The following GBX1 variants were observed in gnomAD, a reference collection of about 807,000 sequenced individuals.
GBX1 encodes the protein gastrulation brain homeobox 1.
A neutral mutation model predicts 22.9 loss-of-function variants in GBX1; 9 were observed. That is an observed-to-expected ratio of 0.39 (90% CI 0.24 to 0.69). GBX1 has a LOEUF of 0.69. Ranked by LOEUF, GBX1 falls within the 30% of genes least tolerant of loss-of-function variation. The pLI, the probability that GBX1 is intolerant of heterozygous loss-of-function variation, is 0.43. For synonymous variants in GBX1, 203 were observed against 227.3 expected, an observed-to-expected ratio of 0.89 and a Z score of 0.96; for missense variants, 494 against 509.2, an observed-to-expected ratio of 0.97 and a Z score of 0.29.
In GBX1 at chr7:151,167,632, C is replaced by G; in HGVS notation, c.-84G>C. ...GCGGCTCGGGCGCCCCGCGCGGACACGCAGGGCTCGCTCCCTGGCTCCCGG... is the reference window on the plus strand; with the variant it reads ...GCGGCTCGGGCGCCCCGCGCGGACAGGCAGGGCTCGCTCCCTGGCTCCCGG... On this transcript the variant is annotated 5_prime_UTR_variant, in exon 1 of 2. Coordinates refer to ENST00000297537, the MANE Select transcript of GBX1 (RefSeq NM_001098834.3). This position sits in a 1 kb window ranked among gnomAD's most constrained non-coding sequence, Gnocchi z 5.9. The G allele has an allele frequency of 8.4e-7, 1 of 1,184,946 alleles. No individual in the cohort carries two copies. The highest frequency in any genetic ancestry group is 1.0e-6 in the Non-Finnish European group (1 of 960,612). 73.4% of individuals were successfully genotyped at this position (1,184,946 alleles called of 1,614,324 possible).
At chr7:151,149,234 G>T in intron 1 of GBX1, 92 bp from the exon 2 acceptor site, 1 of 1,260,722 alleles carries the variant, frequency 7.9e-7, no homozygotes, top group Non-Finnish European at 1.1e-6. Flanking sequence ...AGAAATGGGG[G>T]GTTGGGAGAC....
intron 1 of GBX1, among the ~76,000 whole-genome samples, chr7:151,163,252 A>G (rs1200085132): frequency 6.6e-6 from 1 of 151,800 alleles, no homozygotes; most frequent in Non-Finnish European, 1.5e-5. Flanking sequence ...AGCTCACACA[A>G]ACCGTCAGAC....
rs747616162 is a variant in GBX1, at chr7:151,167,168, G to T, written c.381C>A (p.Ala127=). 1 of 1,581,994 alleles carries T rather than the reference G, an allele frequency of 6.3e-7. No individual in the cohort carries two copies. The highest frequency in any genetic ancestry group is 8.6e-7 in the Non-Finnish European group (1 of 1,166,398). The part of the protein sequence containing the change: ...GPQELAAAAA[A]AAATAARNNP... ...TGTTTCGGGCGGCAGTGGCGGCGGCGGCGGCAGCGGCGGCGGCGAGCTCCT... is the reference window on the plus strand; with the variant it reads ...TGTTTCGGGCGGCAGTGGCGGCGGCTGCGGCAGCGGCGGCGGCGAGCTCCT... Residue 127 remains alanine (A), a synonymous_variant, in exon 1 of 2, where the codon GCC becomes GCA. Transcript: ENST00000297537. This position sits in a 1 kb window ranked among gnomAD's most constrained non-coding sequence, Gnocchi z 5.9.
At position 151,148,996 on chromosome 7, in the gene GBX1, G is replaced by A. The variant is rs200119934; in HGVS notation, c.685C>T (p.Leu229Phe). 1.9e-6 allele frequency: 3 copies of A among 1,613,748 alleles called. No individual in the cohort carries two copies. The highest frequency in any genetic ancestry group is 3.3e-5 in the Admixed American group (2 of 59,980). Residue 229 changes from leucine to phenylalanine, a missense_variant, in exon 2 of 2, where the codon CTT (leucine) becomes TTT (phenylalanine). This residue lies in a region of GBX1 where 365 missense variants were observed against 340.4 expected (regional missense o/e 1.07). Coordinates refer to ENST00000297537, the MANE Select transcript of GBX1 (RefSeq NM_001098834.3). This position sits in a 1 kb window ranked among gnomAD's most constrained non-coding sequence, Gnocchi z 5.1. Reference sequence around the variant, plus strand: ...TTTAGCTTCGGTTTAGGTCCCAGAAGAGCCCCTGGGCCCCCTGCAGAACTG... The same window carrying A: ...TTTAGCTTCGGTTTAGGTCCCAGAAAAGCCCCTGGGCCCCCTGCAGAACTG... ...LDSSAGGPGA[L>F]LGPKPKLKGS...
At chr7:151,158,865 A>G (rs73476799) in intron 1 of GBX1, among the ~76,000 whole-genome samples, 8,796 of 152,266 alleles carry the variant, frequency 0.058, 510 homozygotes, top group African/African-American at 0.15. Flanking sequence ...AGGATGCTGC[A>G]CAAATATCTG....
At position 151,167,287 on chromosome 7, in the gene GBX1, A is replaced by G; in HGVS notation, c.262T>C (p.Cys88Arg). Residue 88 changes from cysteine (C) to arginine (R), a missense_variant, in exon 1 of 2, where the codon TGC becomes CGC. This residue lies in a region of GBX1 where 365 missense variants were observed against 340.4 expected (regional missense o/e 1.07). Transcript: ENST00000297537. This position sits in a 1 kb window ranked among gnomAD's most constrained non-coding sequence, Gnocchi z 5.9. ...GGCACAGCCTGACCCAGCCCCGCGC[A>G]GAAGGTGTTGGTAAGGCGGCCGGCG... is the stretch of plus-strand genomic sequence containing the variant. ...SFAGRLTNTF[C>R]AGLGQAVPSM... 2.0e-6 allele frequency: 3 copies of G among 1,534,854 alleles called. No individual in the cohort carries two copies. Among genetic ancestry groups the G allele is most frequent in the Non-Finnish European group, 2.6e-6 (3 of 1,143,868 alleles).
At chr7:151,165,471 T>G (rs1281322527) in intron 1 of GBX1, among the ~76,000 whole-genome samples, 1 of 152,228 alleles carries the variant, frequency 6.6e-6, no homozygotes, top group Non-Finnish European at 1.5e-5. Context: ...TTTGATGGCC[T>G]GTCTTACTCT....
At chr7:151,155,958 T>C (rs932425656) in intron 1 of GBX1, among the ~76,000 whole-genome samples, 3 of 152,166 alleles carry the variant, frequency 2.0e-5, no homozygotes, top group Non-Finnish European at 2.9e-5. Context: ...ATGTCAAGTC[T>C]CCTAAAGCTG....
chr7:151,167,419 T>A lies in GBX1; in HGVS notation c.130A>T (p.Thr44Ser). 1.3e-6 allele frequency: 2 copies of A among 1,518,304 alleles called. No individual in the cohort carries two copies. Among genetic ancestry groups the A allele is most frequent in the South Asian group, 2.5e-5 (2 of 80,986 alleles). The allele number at this position is 1,518,304 out of a possible 1,614,324, so 94.1% of individuals were successfully genotyped here. A position where few individuals can be genotyped will look rare whatever the true frequency, so the allele number is the denominator to read the frequency against. ...TAGGGCATGAACATGGGGTAGCCGG[T>A]GTACAGCAAGTGGCCGGAGCGCGGC... ...PPPRSGHLLY[T>S]GYPMFMPYRP... Residue 44 changes from threonine to serine, a missense_variant, in exon 1 of 2, where the codon ACC becomes TCC. Coordinates refer to ENST00000297537, the MANE Select transcript of GBX1 (RefSeq NM_001098834.3). This position sits in a 1 kb window ranked among gnomAD's most constrained non-coding sequence, Gnocchi z 5.9.
chr7:151,166,885 G>C, intron 1 of GBX1, 126 bp downstream of exon 1: 2 of 896,450 alleles, frequency 2.2e-6, no homozygotes, highest in Non-Finnish European at 3.5e-6. Flanking sequence ...ACCTGCGCGC[G>C]ATCTAAAGGT....
At chr7:151,162,806 T>G (rs922104880) in intron 1 of GBX1, among the ~76,000 whole-genome samples, 9 of 48,126 alleles carry the variant, frequency 1.9e-4, no homozygotes, top group African/African-American at 6.4e-4. Context: ...TCTTCTGCCT[T>G]TTTTTTTTTT....
intron 1 of GBX1, among the ~76,000 whole-genome samples, chr7:151,163,710 T>C (rs915240120): frequency 6.6e-6 from 1 of 152,230 alleles, no homozygotes; most frequent in African/African-American, 2.4e-5. Context: ...TAATGACATA[T>C]ATGGCTTGCA....
intron 1 of GBX1, among the ~76,000 whole-genome samples, chr7:151,164,574 A>T (rs1801227700): frequency 6.6e-6 from 1 of 152,110 alleles, no homozygotes; most frequent in Admixed American, 6.5e-5. Context: ...TGCTCTTTGA[A>T]TGTTTCTTCT....
Position 151,148,444 on chromosome 7 carries a change from AG to A in GBX1, c.*144del. 1.4e-6 allele frequency: 1 copy of A among 738,018 alleles called. No individual in the cohort carries two copies. The highest frequency in any genetic ancestry group is 2.2e-6 in the Non-Finnish European group (1 of 453,864). 45.7% of individuals were successfully genotyped at this position (738,018 alleles called of 1,614,324 possible). A position where few individuals can be genotyped will look rare whatever the true frequency, so the allele number is the denominator to read the frequency against. On this transcript the variant is annotated 3_prime_UTR_variant, in exon 2 of 2. Transcript: ENST00000297537. This position sits in a 1 kb window ranked among gnomAD's most constrained non-coding sequence, Gnocchi z 5.1. ...CAGGTTCTGGGAGGAGTCTGGGAAG[AG>A]CACACCCAGGGCTAGGTTAATTGCC...
At chr7:151,166,886 A>C in intron 1 of GBX1, 125 bp downstream of exon 1, 3 of 916,888 alleles carry the variant, frequency 3.3e-6, no homozygotes, top group Non-Finnish European at 5.1e-6. Flanking sequence ...CCTGCGCGCG[A>C]TCTAAAGGTC....
At chr7:151,159,993 C>T (rs1326569724) in intron 1 of GBX1, among the ~76,000 whole-genome samples, 1 of 152,196 alleles carries the variant, frequency 6.6e-6, no homozygotes, top group East Asian at 1.9e-4. Context: ...ATGCATGCAT[C>T]TTACCTTGCT....
intron 1 of GBX1, among the ~76,000 whole-genome samples, chr7:151,154,464 A>C (rs1469539796): frequency 1.3e-5 from 2 of 152,202 alleles, no homozygotes. Flanking sequence ...GTCCTTTATG[A>C]TGAGGATGAT....
At chr7:151,164,771 T>TCC (rs1384366012) in intron 1 of GBX1, among the ~76,000 whole-genome samples, 7 of 111,840 alleles carry the variant, frequency 6.3e-5, no homozygotes, top group Non-Finnish European at 1.2e-4. Flanking sequence ...AACACAAATT[T>TCC]CCCTCTTTTT....
intron 1 of GBX1, among the ~76,000 whole-genome samples, chr7:151,164,642 T>C (rs1584806005): frequency 6.6e-6 from 1 of 152,292 alleles, no homozygotes. Flanking sequence ...CCTTTACATG[T>C]ATCTCCTCCC....
Sources: allele counts gnomAD v4.1 joint callset (sites outside exome capture counted in the v4.1 genomes callset), GRCh38; gene constraint gnomAD v4.1.1; regional missense constraint gnomAD v4.1.1; non-coding constraint Gnocchi (gnomAD v3.1); transcripts MANE v1.5; gene names NCBI Gene and HGNC (gene_info 2026-07-23, HGNC 2026-07-21).